Variants in GABRG3 observed in about 807,000 individuals in gnomAD.
The protein encoded by GABRG3 is gamma-aminobutyric acid type A receptor subunit gamma3.
GABRG3 carries 25 observed loss-of-function variants against 48.8 expected under a neutral mutation model. The observed-to-expected ratio is 0.51, with a 90% CI of 0.37 to 0.72. The LOEUF (loss-of-function observed/expected upper bound fraction) is 0.72. Ranked by LOEUF, GABRG3 falls within the 30% of genes least tolerant of loss-of-function variation. The pLI is 0.00. For synonymous variants in GABRG3, 227 were observed against 217.6 expected (o/e 1.04, Z -0.38); for missense variants, 394 against 577.9 (o/e 0.68, Z 3.26).
rs117598900 is a variant in GABRG3 at position 27,057,277 on chromosome 15, G to A, written c.270+30456G>A. On this transcript the variant is annotated intron_variant, in intron 3 of 9. Coordinates refer to ENST00000615808, the MANE Select transcript of GABRG3 (RefSeq NM_033223.5). ...GACAACTTCAATAAAGAAGTTTTCC[G>A]ATCTGGCCAGGACAAAAGTCACAGA... is the stretch of plus-strand genomic sequence containing the variant. Among the ~76,000 whole-genome samples the A allele has an allele frequency of 6.0e-3, 917 of 152,194 alleles. 8 individuals carry two copies. Among genetic ancestry groups the A allele is most frequent in the Middle Eastern group, 0.01 (3 of 294 alleles).
intron 3 of GABRG3, among the ~76,000 whole-genome samples, chr15:27,072,746 G>T (rs1198962602): frequency 6.6e-6 from 1 of 152,298 alleles, no homozygotes; most frequent in South Asian, 2.1e-4. Flanking sequence ...GAGGAGGAAG[G>T]GGGGTTTGCC....
intron 3 of GABRG3, among the ~76,000 whole-genome samples, chr15:27,205,025 C>CT (rs1426891822): frequency 6.6e-6 from 1 of 151,530 alleles, no homozygotes; most frequent in Non-Finnish European, 1.5e-5. Flanking sequence ...ATTTGTGTGT[C>CT]TTTTTTTTCT....
At chr15:27,203,381 C>CTTT (rs1182125663) in intron 3 of GABRG3, among the ~76,000 whole-genome samples, 1 of 152,122 alleles carries the variant, frequency 6.6e-6, no homozygotes, top group Non-Finnish European at 1.5e-5. Flanking sequence ...TGATTTCATT[C>CTTT]TTTTTTATAG....
chr15:27,271,722 G>A, intron 3 of GABRG3: 1 of 433,848 alleles, frequency 2.3e-6, no homozygotes, highest in Non-Finnish European at 4.6e-6. Flanking sequence ...GGGACCTCCT[G>A]CACCAAGAGC....
intron 3 of GABRG3, among the ~76,000 whole-genome samples, chr15:27,054,535 A>G (rs755882724): frequency 6.6e-6 from 1 of 152,214 alleles, no homozygotes; most frequent in African/African-American, 2.4e-5. Context: ...CAGAAGCAAC[A>G]TTCCCAAGGC....
At chr15:27,494,583 C>G (rs1890437502) in intron 6 of GABRG3, among the ~76,000 whole-genome samples, 1 of 152,112 alleles carries the variant, frequency 6.6e-6, no homozygotes. Context: ...TTTGTCGTTT[C>G]CTATAAATTG....
At position 27,513,954 on chromosome 15, in the gene GABRG3, A is replaced by G. The variant is rs573854317; in HGVS notation, c.713-6018A>G. Reference sequence around the variant, plus strand: ...GTAATTCAATATTTCATTGAAGGATATGCAAATTGAAATAGCTAAAACTTC... The same window carrying G: ...GTAATTCAATATTTCATTGAAGGATGTGCAAATTGAAATAGCTAAAACTTC... On this transcript the variant is annotated intron_variant, in intron 6 of 9. Coordinates refer to ENST00000615808, the MANE Select transcript of GABRG3 (RefSeq NM_033223.5). 1.1e-4 allele frequency among the ~76,000 whole-genome samples: 16 copies of G among 152,372 alleles called. 1 individual carries two copies. Among genetic ancestry groups the G allele is most frequent in the Admixed American group, 7.8e-4 (12 of 15,304 alleles).
At position 27,159,693 on chromosome 15, in the gene GABRG3, C is replaced by G. The variant is rs139464262; in HGVS notation, c.270+132872C>G. On this transcript the variant is annotated intron_variant, in intron 3 of 9. Coordinates refer to ENST00000615808, the MANE Select transcript of GABRG3 (RefSeq NM_033223.5). ...CCCATTTTCCCCTTTTGTTCCCCCG[C>G]TCACCTTCCAAAACAATCATGAACC... Among the ~76,000 whole-genome samples the G allele has an allele frequency of 4.2e-3, 639 of 152,246 alleles. 2 individuals carry two copies. Among genetic ancestry groups the G allele is most frequent in the Non-Finnish European group, 7.0e-3 (476 of 68,008 alleles).
In GABRG3 at chr15:27,260,147, A is replaced by G. The variant is rs568677939; in HGVS notation, c.271-66662A>G. On this transcript the variant is annotated intron_variant, in intron 3 of 9. Transcript: ENST00000615808. ...AGACAGTGGGGCTTAAACAATGGAA[A>G]TGTATTTTCTCCATTCTGGAGGCTG... Among the ~76,000 whole-genome samples, 66 of 152,260 alleles carry G rather than the reference A, an allele frequency of 4.3e-4. 1 individual carries two copies. In the South Asian group the frequency reaches 0.013, roughly 31 times the overall value.
chr15:27,483,731 A>G (rs1357574921), intron 6 of GABRG3, among the ~76,000 whole-genome samples: 2 of 152,194 alleles, frequency 1.3e-5, no homozygotes, highest in South Asian at 2.1e-4. Context: ...GGTGGATGGT[A>G]TAGAAATCAC....
At chr15:27,468,821 G>GA (rs960945234) in intron 5 of GABRG3, among the ~76,000 whole-genome samples, 3 of 151,576 alleles carry the variant, frequency 2.0e-5, no homozygotes, top group South Asian at 4.2e-4. Context: ...AATAAGAAAA[G>GA]AAAAAAAATC....
rs1201993976 is a variant in GABRG3 at position 26,974,802 on chromosome 15, A to G, written c.54-2200A>G. Reference sequence around the variant, plus strand: ...ATTTTTGCAAGATGATAAAATTAACATTTCTGATAATATTTCAGATGACAC... The same window carrying G: ...ATTTTTGCAAGATGATAAAATTAACGTTTCTGATAATATTTCAGATGACAC... On this transcript the variant is annotated intron_variant, in intron 1 of 9. Transcript: ENST00000615808. This position sits in a 1 kb window ranked among gnomAD's most constrained non-coding sequence, Gnocchi z 4.3. 6.6e-6 allele frequency among the ~76,000 whole-genome samples: 1 copy of G among 151,392 alleles called. No homozygotes were observed. Among genetic ancestry groups the G allele is most frequent in the Admixed American group, 6.6e-5 (1 of 15,162 alleles).
chr15:27,442,770 G>A (rs537717620), intron 5 of GABRG3, among the ~76,000 whole-genome samples: 2 of 152,192 alleles, frequency 1.3e-5, no homozygotes, highest in East Asian at 1.9e-4. Flanking sequence ...AATGGTGAGG[G>A]TGTCAATTCT....
chr15:27,026,067 G>A (rs774710890), intron 2 of GABRG3, among the ~76,000 whole-genome samples: 3 of 152,154 alleles, frequency 2.0e-5, no homozygotes, highest in East Asian at 1.9e-4. Context: ...TCTGACATAC[G>A]GCGTTAGAGA....
At chr15:27,409,423 T>C (rs938952004) in intron 5 of GABRG3, among the ~76,000 whole-genome samples, 8 of 152,300 alleles carry the variant, frequency 5.3e-5, no homozygotes, top group Non-Finnish European at 1.0e-4. Flanking sequence ...AATCTACTTA[T>C]GGAGTCTCTG....
chr15:27,435,026 C>A (rs954928990), intron 5 of GABRG3, among the ~76,000 whole-genome samples: 4 of 152,008 alleles, frequency 2.6e-5, no homozygotes, highest in Non-Finnish European at 4.4e-5. Context: ...CTGTGCCAGG[C>A]CTTTGTGCTC....
intron 5 of GABRG3, among the ~76,000 whole-genome samples, chr15:27,372,524 C>T (rs926748640): frequency 2.6e-5 from 4 of 152,134 alleles, no homozygotes; most frequent in African/African-American, 9.7e-5. Flanking sequence ...TCCCAAGTAC[C>T]TGGGATTACA....
At chr15:27,050,331 T>C (rs891800) in intron 3 of GABRG3, among the ~76,000 whole-genome samples, 72,325 of 152,034 alleles carry the variant, frequency 0.48, 18,540 homozygotes, top group East Asian at 0.68. Context: ...GGCCCCCTGG[T>C]GACCCCAAAC....
At chr15:27,013,257 T>C (rs1595472147) in intron 2 of GABRG3, among the ~76,000 whole-genome samples, 1 of 152,240 alleles carries the variant, frequency 6.6e-6, no homozygotes, top group East Asian at 1.9e-4. Flanking sequence ...TCTTTGTTTT[T>C]CAAGGCTGAA....
Sources: allele counts gnomAD v4.1 joint callset (sites outside exome capture counted in the v4.1 genomes callset), GRCh38; gene constraint gnomAD v4.1.1; non-coding constraint Gnocchi (gnomAD v3.1); transcripts MANE v1.5; gene names NCBI Gene and HGNC (gene_info 2026-07-23, HGNC 2026-07-21).